The following GALNT17 variants were observed in gnomAD, a reference collection of about 807,000 sequenced individuals.
GALNT17 encodes the protein UDP-GalNAc:polypeptide N-acetylgalactosaminyltransferase-like 3.
A neutral mutation model predicts 63.7 loss-of-function variants in GALNT17; 29 were observed. The observed-to-expected ratio is 0.46, with a 90% CI of 0.34 to 0.62. The LOEUF is 0.62. GALNT17 is among the 20% of genes least tolerant of loss of function. The pLI is 0.01. For synonymous variants in GALNT17, 305 were observed against 318.3 expected, an observed-to-expected ratio of 0.96 and a Z score of 0.45; for missense variants, 603 against 799.6, an observed-to-expected ratio of 0.75 and a Z score of 2.97.
intron 9 of GALNT17, among the ~76,000 whole-genome samples, chr7:71,697,893 C>G (rs1355259256): frequency 6.6e-6 from 1 of 151,934 alleles, no homozygotes; most frequent in African/African-American, 2.4e-5. Context: ...GAGGCCTAGT[C>G]AGGCAGATCA....
In GALNT17 at chr7:71,132,874, C is replaced by T. The variant is rs745827560; in HGVS notation, c.72C>T (p.Phe24=). ...TCGCGGTAGCCGGCTTCGTGCTCTT[C>T]CTGGCCAAGTGCCGGCCCATCGCGG... The part of the protein sequence containing the change: ...NLIAVAGFVL[F]LAKCRPIAVR... Residue 24 remains phenylalanine (F), a synonymous_variant, in exon 1 of 11, where the codon TTC becomes TTT. Transcript: ENST00000333538. The T allele has an allele frequency of 2.7e-5, 44 of 1,613,042 alleles. No homozygotes were observed. The highest frequency in any genetic ancestry group is 3.5e-5 in the Non-Finnish European group (41 of 1,179,538).
At chr7:71,503,216 A>G (rs1314847687) in intron 5 of GALNT17, among the ~76,000 whole-genome samples, 1 of 152,154 alleles carries the variant, frequency 6.6e-6, no homozygotes, top group Non-Finnish European at 1.5e-5. Flanking sequence ...TCACATGTCA[A>G]TGATCACTTC....
chr7:71,558,750 CA>C (rs1789205694), intron 5 of GALNT17, among the ~76,000 whole-genome samples: 1 of 152,028 alleles, frequency 6.6e-6, no homozygotes, highest in Non-Finnish European at 1.5e-5. Context: ...ATATGATTAC[CA>C]AAAAGTAAAA....
intron 1 of GALNT17, among the ~76,000 whole-genome samples, chr7:71,193,454 CTTTTTTT>C (rs1159902249): frequency 4.7e-5 from 5 of 107,318 alleles, no homozygotes; most frequent in Non-Finnish European, 7.2e-5. Flanking sequence ...ACGCTTTTGT[CTTTTTTT>C]TTTTTTTTTT....
Position 71,132,683 on chromosome 7 carries a change from A to C in GALNT17, c.-120A>C. On this transcript the variant is annotated 5_prime_UTR_variant, in exon 1 of 11. Coordinates refer to ENST00000333538, the MANE Select transcript of GALNT17 (RefSeq NM_022479.3). ...CGAGCATCCTTGAGGTGGGACGAGC[A>C]GGGGCTTGGATCCCTGCCGGCCGTC... The C allele has an allele frequency of 1.3e-6, 1 of 787,100 alleles. No homozygotes were observed. The highest frequency in any genetic ancestry group is 1.9e-5 in the South Asian group (1 of 52,466). 48.8% of individuals were successfully genotyped at this position (787,100 alleles called of 1,614,324 possible).
At chr7:71,429,810 G>C (rs975758315) in intron 5 of GALNT17, among the ~76,000 whole-genome samples, 4 of 152,148 alleles carry the variant, frequency 2.6e-5, no homozygotes, top group African/African-American at 9.7e-5. Context: ...GGGTTCAAGC[G>C]ATTCTCCTAC....
At chr7:71,458,039 G>T (rs992183819) in intron 5 of GALNT17, among the ~76,000 whole-genome samples, 1 of 152,002 alleles carries the variant, frequency 6.6e-6, no homozygotes, top group African/African-American at 2.4e-5. Flanking sequence ...CCAGTAGGGC[G>T]CTCTGTTCTC....
At chr7:71,540,093 C>CTTTTTTTTTTTTTTTTT (rs71089954) in intron 5 of GALNT17, among the ~76,000 whole-genome samples, 3 of 33,550 alleles carry the variant, frequency 8.9e-5, no homozygotes, top group South Asian at 1.3e-3. Context: ...TGTGCCTGGC[C>CTTTTTTTTTTTTTTTTT]TTTTTTTTTT....
chr7:71,659,681 G>A (rs1395665080), intron 6 of GALNT17, among the ~76,000 whole-genome samples: 2 of 152,216 alleles, frequency 1.3e-5, no homozygotes, highest in East Asian at 1.9e-4. Flanking sequence ...TTCAAGGAGA[G>A]GGGAAATAGG....
chr7:71,673,390 C>T (rs1470428969), intron 8 of GALNT17, among the ~76,000 whole-genome samples: 1 of 151,796 alleles, frequency 6.6e-6, no homozygotes, highest in African/African-American at 2.4e-5. Context: ...AATATTGATA[C>T]CATAATGCTT....
chr7:71,275,520 GCT>G (rs1346650393), intron 1 of GALNT17, among the ~76,000 whole-genome samples: 1 of 152,204 alleles, frequency 6.6e-6, no homozygotes, highest in Non-Finnish European at 1.5e-5. Context: ...GCTGAAACCA[GCT>G]CTTGTGTGAG....
At chr7:71,171,537 G>C (rs935301214) in intron 1 of GALNT17, among the ~76,000 whole-genome samples, 4 of 152,050 alleles carry the variant, frequency 2.6e-5, no homozygotes, top group African/African-American at 9.7e-5. Flanking sequence ...AATATGAAAC[G>C]TAAAACAAAT....
At chr7:71,141,840 C>CTGTGTG (rs34121771) in intron 1 of GALNT17, among the ~76,000 whole-genome samples, 2,543 of 125,072 alleles carry the variant, frequency 0.02, 47 homozygotes, top group African/African-American at 0.025. Flanking sequence ...CCACGTCTGG[C>CTGTGTG]TGTGTGTGTG....
At chr7:71,201,223 G>T (rs1034157517) in intron 1 of GALNT17, among the ~76,000 whole-genome samples, 2 of 104,672 alleles carry the variant, frequency 1.9e-5, no homozygotes, top group African/African-American at 9.2e-5. Context: ...CTTTGTATGG[G>T]GGTGTGTGTG....
intron 1 of GALNT17, among the ~76,000 whole-genome samples, chr7:71,206,902 G>A (rs182923889): frequency 6.6e-6 from 1 of 151,988 alleles, no homozygotes; most frequent in African/African-American, 2.4e-5. Context: ...TCAGGAGATC[G>A]AGACCATCCT....
intron 5 of GALNT17, among the ~76,000 whole-genome samples, chr7:71,431,994 G>A (rs1327312032): frequency 6.6e-6 from 1 of 152,126 alleles, no homozygotes; most frequent in East Asian, 1.9e-4. Context: ...GCCCAACATA[G>A]TGAAACTGTG....
intron 1 of GALNT17, among the ~76,000 whole-genome samples, chr7:71,294,084 C>T (rs1023672809): frequency 1.3e-5 from 2 of 151,938 alleles, no homozygotes; most frequent in African/African-American, 4.8e-5. Context: ...ATGGTGTGAA[C>T]CCGGGAGGTG....
intron 5 of GALNT17, among the ~76,000 whole-genome samples, chr7:71,500,824 A>G (rs998868442): frequency 2.6e-5 from 4 of 151,574 alleles, no homozygotes; most frequent in Middle Eastern, 3.4e-3. Flanking sequence ...AATTCCTACC[A>G]CCATAGTAAG....
At chr7:71,662,952 G>A (rs1276352474) in intron 6 of GALNT17, among the ~76,000 whole-genome samples, 1 of 152,114 alleles carries the variant, frequency 6.6e-6, no homozygotes. Context: ...ATTTGTTGAA[G>A]ATATTATTCC....
Sources: gnomAD v4.1 joint callset for allele counts (sites outside exome capture counted in the v4.1 genomes callset) on GRCh38, gnomAD v4.1.1 for gene constraint, MANE v1.5 for transcripts, NCBI Gene and HGNC (gene_info 2026-07-23, HGNC 2026-07-21) for gene names.